Variants in IL6R observed in about 807,000 individuals in gnomAD.
IL6R encodes interleukin-6 receptor subunit alpha.
Under a neutral mutation model 48.3 loss-of-function variants are expected in IL6R, and 38 were observed. The ratio of observed to expected loss-of-function variants is 0.79; its 90% CI spans 0.61 to 1.03. The LOEUF (loss-of-function observed/expected upper bound fraction) is 1.03. IL6R is among the 50% of genes least tolerant of loss of function. IL6R has a pLI of 0.00. For missense variants in IL6R, 534 were observed against 618.3 expected, an observed-to-expected ratio of 0.86 and a Z score of 1.45; for synonymous variants, 264 against 256.2, an observed-to-expected ratio of 1.03 and a Z score of -0.29.
At chr1:154,409,382 A>G (rs1427358295) in intron 1 of IL6R, among the ~76,000 whole-genome samples, 1 of 152,010 alleles carries the variant, frequency 6.6e-6, no homozygotes, top group Non-Finnish European at 1.5e-5. Context: ...CCACCTGAAC[A>G]CAGCTCATTT....
chr1:154,465,933 GCTCT>G lies in IL6R; in HGVS notation c.*557_*560del. ...TAAACCGCCAAGGCTGGGGGAAGAA[GCTCT>G]CTCCTCCCTTTCTTCCCTACAGTTG... On this transcript the variant is annotated 3_prime_UTR_variant, in exon 10 of 10. Coordinates refer to ENST00000368485, the MANE Select transcript of IL6R (RefSeq NM_000565.4). 6.4e-6 allele frequency: 1 copy of G among 156,202 alleles called. No individual in the cohort carries two copies. The highest frequency in any genetic ancestry group is 1.4e-5 in the Non-Finnish European group (1 of 70,220). 9.7% of individuals were successfully genotyped at this position (156,202 alleles called of 1,614,324 possible).
In IL6R at chr1:154,426,404, C is replaced by T. The variant is rs565786120; in HGVS notation, c.86-2792C>T. ...GGCATGGTGGTGTGTGCCTGTAGTC[C>T]CAACTACTCGGGAGGCTGAGACAGG... On this transcript the variant is annotated intron_variant, in intron 1 of 9. Transcript: ENST00000368485. Among the ~76,000 whole-genome samples the T allele has an allele frequency of 2.0e-5, 3 of 151,566 alleles. No individual in the cohort carries two copies. The South Asian group carries it at 6.3e-4, about 32-fold the overall frequency.
At chr1:154,409,480 T>A (rs1039331993) in intron 1 of IL6R, among the ~76,000 whole-genome samples, 3 of 152,204 alleles carry the variant, frequency 2.0e-5, no homozygotes, top group African/African-American at 7.2e-5. Context: ...GGCAAGTGAT[T>A]TAACTTCTTT....
rs1690253591 is a variant in IL6R at position 154,446,796 on chromosome 1, A to G, written c.950-1329A>G. On this transcript the variant is annotated intron_variant, in intron 6 of 9. Coordinates refer to ENST00000368485, the MANE Select transcript of IL6R (RefSeq NM_000565.4). ...ATAGAAGGAAATTGAAATAGTGCTT[A>G]TCTCTGGTGATGTGTATCTTTCCAT... Among the ~76,000 whole-genome samples, 3 of 152,162 alleles carry G rather than the reference A, an allele frequency of 2.0e-5. No homozygotes were observed. In the South Asian group the frequency reaches 6.2e-4, roughly 32 times the overall value.
intron 1 of IL6R, among the ~76,000 whole-genome samples, chr1:154,413,585 C>T (rs1051265516): frequency 2.6e-5 from 4 of 152,134 alleles, no homozygotes; most frequent in African/African-American, 9.7e-5. Flanking sequence ...ACAATGGCGT[C>T]TGTGTGGAAT....
intron 3 of IL6R, 113 bp downstream of exon 3, chr1:154,430,719 C>G: frequency 7.2e-7 from 1 of 1,379,920 alleles, no homozygotes; most frequent in South Asian, 1.2e-5. Flanking sequence ...TTAATTCCTT[C>G]AGGCTGAGGA....
In IL6R at chr1:154,430,490, CG is replaced by C. The variant is rs1689232772; in HGVS notation, c.343del (p.Glu115ArgfsTer28). 4 of 1,613,616 alleles carry C rather than the reference CG, an allele frequency of 2.5e-6. No individual in the cohort carries two copies. The highest frequency in any genetic ancestry group is 3.4e-6 in the Non-Finnish European group (4 of 1,179,904). On this transcript the variant is annotated frameshift_variant, in exon 3 of 10. Coordinates refer to ENST00000368485, the MANE Select transcript of IL6R (RefSeq NM_000565.4). LOFTEE classifies it high-confidence loss of function. ...GCAATGCTTTCCTTTCAGTTCCCCC[CG>C]AGGAGCCCCAGCTCTCCTGCTTCCG... ...TVHLLVDVPP[E>X]EPQLSCFRKS... is the part of the protein sequence containing the mutation.
intron 7 of IL6R, 118 bp downstream of exon 7, chr1:154,448,289 G>A (rs1052388537): frequency 1.3e-5 from 10 of 772,870 alleles, no homozygotes; most frequent in East Asian, 2.5e-5. Context: ...AAATGTGGTC[G>A]TGGTGAGTTA....
Position 154,405,567 on chromosome 1 carries a change from C to A in IL6R, c.-63C>A. ...CCCGCCCCGCCCCTGCCACCCCTGC[C>A]GCCCGGTTCCCATTAGCCTGTCCGC... On this transcript the variant is annotated 5_prime_UTR_variant, in exon 1 of 10. Transcript: ENST00000368485. The surrounding 1 kb of genome is among the most constrained non-coding windows in gnomAD (Gnocchi z 5.2). The A allele has an allele frequency of 8.2e-7, 1 of 1,225,506 alleles. No individual in the cohort carries two copies. 75.9% of individuals were successfully genotyped at this position (1,225,506 alleles called of 1,614,324 possible).
chr1:154,414,467 C>T (rs746164351), intron 1 of IL6R: 1 of 1,135,786 alleles, frequency 8.8e-7, no homozygotes, highest in Non-Finnish European at 1.3e-6. Context: ...GCCGGCAAAA[C>T]TATATTAGTT....
chr1:154,449,849 C>T, intron 7 of IL6R, 62 bp from the exon 8 acceptor site: 2 of 1,065,330 alleles, frequency 1.9e-6, no homozygotes, highest in Non-Finnish European at 2.9e-6. Flanking sequence ...AACTCCTGAA[C>T]TGGTTCTGAA....
chr1:154,460,995 G>A (rs1266535087), intron 9 of IL6R, among the ~76,000 whole-genome samples: 1 of 152,158 alleles, frequency 6.6e-6, no homozygotes, highest in Admixed American at 6.5e-5. Flanking sequence ...AAGACGAGGA[G>A]GCAGGGTAAG....
At chr1:154,432,668 A>G (rs1399706851) in intron 3 of IL6R, among the ~76,000 whole-genome samples, 1 of 152,144 alleles carries the variant, frequency 6.6e-6, no homozygotes, top group Non-Finnish European at 1.5e-5. Flanking sequence ...TGACTGGAAT[A>G]CTTTCCATGT....
intron 1 of IL6R, among the ~76,000 whole-genome samples, chr1:154,426,189 C>CACACAT (rs1369786244): frequency 2.7e-5 from 4 of 150,292 alleles, no homozygotes; most frequent in Non-Finnish European, 6.0e-5. Flanking sequence ...CACACACACA[C>CACACAT]ACACATATAT....
At chr1:154,430,718 T>C in intron 3 of IL6R, 112 bp downstream of exon 3, 1 of 1,388,838 alleles carries the variant, frequency 7.2e-7, no homozygotes, top group South Asian at 1.2e-5. Flanking sequence ...ATTAATTCCT[T>C]CAGGCTGAGG....
chr1:154,415,915 C>T (rs529681745), intron 1 of IL6R, among the ~76,000 whole-genome samples: 22 of 151,898 alleles, frequency 1.4e-4, no homozygotes, highest in East Asian at 9.7e-4. Context: ...CAGTGAGCCA[C>T]GATTGTGCCA....
At chr1:154,431,311 CCA>C (rs1281262292) in intron 3 of IL6R, among the ~76,000 whole-genome samples, 1 of 152,198 alleles carries the variant, frequency 6.6e-6, no homozygotes, top group African/African-American at 2.4e-5. Context: ...CATCCCAGAG[CCA>C]CAGTCTCCCT....
intron 6 of IL6R, among the ~76,000 whole-genome samples, chr1:154,447,538 CAT>C (rs1163148315): frequency 9.0e-6 from 1 of 111,508 alleles, no homozygotes; most frequent in Admixed American, 1.1e-4. Context: ...TATACACATA[CAT>C]ATATATACAC....
At chr1:154,417,484 C>G (rs1419944925) in intron 1 of IL6R, among the ~76,000 whole-genome samples, 1 of 152,176 alleles carries the variant, frequency 6.6e-6, no homozygotes, top group Non-Finnish European at 1.5e-5. Flanking sequence ...TGGCTTTCTT[C>G]TAAGGCCCTG....
Sources: gnomAD v4.1 joint callset for allele counts (sites outside exome capture counted in the v4.1 genomes callset) on GRCh38, gnomAD v4.1.1 for gene constraint, Gnocchi (gnomAD v3.1) non-coding constraint, MANE v1.5 for transcripts, NCBI Gene and HGNC (gene_info 2026-07-23, HGNC 2026-07-21) for gene names.